Variants in NIN observed in about 807,000 individuals in gnomAD.
NIN encodes ninein.
Under a neutral mutation model 257.6 loss-of-function variants are expected in NIN, and 137 were observed. The ratio of observed to expected loss-of-function variants is 0.53; its 90% CI spans 0.46 to 0.61. The LOEUF is 0.61. NIN is among the 20% of genes least tolerant of loss of function. The probability of loss-of-function intolerance (pLI) is 0.00; values close to 1 mark genes in which losing one functional copy is unlikely to be tolerated. For synonymous variants in NIN, 918 were observed against 919.8 expected, an observed-to-expected ratio of 1.00 and a Z score of 0.04; for missense variants, 2,439 against 2,501.2, an observed-to-expected ratio of 0.98 and a Z score of 0.53.
intron 3 of NIN, among the ~76,000 whole-genome samples, chr14:50,818,153 C>A (rs999320367): frequency 3.3e-5 from 5 of 151,596 alleles, no homozygotes; most frequent in Non-Finnish European, 7.4e-5. Context: ...GAAACCCTGT[C>A]TCTACTGAAA....
At position 50,761,785 on chromosome 14, in the gene NIN, C is replaced by T; in HGVS notation, c.1896+5G>A. 6.2e-7 allele frequency: 1 copy of T among 1,614,096 alleles called. No homozygotes were observed. The highest frequency in any genetic ancestry group is 8.5e-7 in the Non-Finnish European group (1 of 1,179,992). ...TAGAGAAGTGGATTGGTGGGAAGGACTTACTTTATCTTCGAGCTCCAGTCT... is the reference window on the plus strand; with the variant it reads ...TAGAGAAGTGGATTGGTGGGAAGGATTTACTTTATCTTCGAGCTCCAGTCT... On this transcript the variant is annotated splice_donor_5th_base_variant and intron_variant, in intron 16 of 30. Coordinates refer to ENST00000530997, the MANE Select transcript of NIN (RefSeq NM_020921.4).
chr14:50,781,960 A>G (rs2043151118), intron 5 of NIN, among the ~76,000 whole-genome samples: 1 of 152,122 alleles, frequency 6.6e-6, no homozygotes, highest in African/African-American at 2.4e-5. Flanking sequence ...TCTTCCCAGC[A>G]GAGAAGGAAG....
intron 4 of NIN, among the ~76,000 whole-genome samples, chr14:50,804,483 T>A (rs2044235028): frequency 6.6e-6 from 1 of 152,196 alleles, no homozygotes; most frequent in East Asian, 1.9e-4. Context: ...GGAGCAGTTT[T>A]GTGACGAAGA....
At chr14:50,796,615 TATG>T (rs149768855) in intron 4 of NIN, among the ~76,000 whole-genome samples, 1 of 152,302 alleles carries the variant, frequency 6.6e-6, no homozygotes, top group Non-Finnish European at 1.5e-5. Flanking sequence ...CATGCACATG[TATG>T]ATGCTTGACC....
In NIN at chr14:50,748,114, AAAATG is replaced by A. The variant is rs1334452775; in HGVS notation, c.4951-14_4951-10del. On this transcript the variant is annotated splice_polypyrimidine_tract_variant and intron_variant, in intron 21 of 30. Coordinates refer to ENST00000530997, the MANE Select transcript of NIN (RefSeq NM_020921.4). ...GACACTAAAGTGGAGGACTAAGAGAAAAATGAAAAAGTCAAATAACAGACATACAT... is the reference window on the plus strand; with the variant it reads ...GACACTAAAGTGGAGGACTAAGAGAAAAAAAGTCAAATAACAGACATACAT... The A allele has an allele frequency of 6.3e-7, 1 of 1,584,824 alleles. No homozygotes were observed. The highest frequency in any genetic ancestry group is 1.3e-5 in the African/African-American group (1 of 74,254).
chr14:50,757,138 C>T lies in NIN; in HGVS notation c.3892G>A (p.Glu1298Lys), dbSNP rs1226292752. 1 of 1,612,156 alleles carries T rather than the reference C, an allele frequency of 6.2e-7. No individual in the cohort carries two copies. The highest frequency in any genetic ancestry group is 8.5e-7 in the Non-Finnish European group (1 of 1,179,470). ...CTGAGGAATGTTTCAGTGACTTCCT[C>T]CATTTTCTTCAGCTCATCCTGCAAC... ...FRLQDELKKM[E>K]EVTETFLSLE... The change falls in exon 18 of 31, where the codon GAG (glutamate) becomes AAG (lysine). Residue 1298 changes from glutamate (E) to lysine (K), a missense_variant. Around this residue, in one of 3 missense-constraint regions of NIN, gnomAD observed 2,043 missense variants for 2,050.2 expected, o/e 1.00. Coordinates refer to ENST00000530997, the MANE Select transcript of NIN (RefSeq NM_020921.4).
chr14:50,756,530 G>T lies in NIN; in HGVS notation c.4500C>A (p.Ile1500=). ...ELKAMMHDLQ[I]TCSEMQQKVE... ...CTTTTTGCTGCATCTCACTGCACGT[G>T]ATCTGCAAGTCATGCATCATTGCCT... Residue 1500 remains isoleucine, a synonymous_variant, in exon 18 of 31, where the codon ATC becomes ATA. Transcript: ENST00000530997. 1 of 1,612,194 alleles carries T rather than the reference G, an allele frequency of 6.2e-7. No homozygotes were observed. Among genetic ancestry groups the T allele is most frequent in the South Asian group, 1.1e-5 (1 of 90,830 alleles).
intron 3 of NIN, among the ~76,000 whole-genome samples, chr14:50,817,550 T>C (rs893199892): frequency 6.6e-6 from 1 of 152,192 alleles, no homozygotes; most frequent in Non-Finnish European, 1.5e-5. Flanking sequence ...AAAGTCTAGA[T>C]TACCTACCGG....
intron 28 of NIN, among the ~76,000 whole-genome samples, chr14:50,733,434 A>G (rs919613454): frequency 1.7e-4 from 26 of 152,302 alleles, no homozygotes; most frequent in African/African-American, 5.8e-4. Context: ...ATTAGAATAA[A>G]TAGGTATGAG....
chr14:50,772,151 TA>T (rs1034005429), intron 9 of NIN, 149 bp downstream of exon 9: 895 of 691,230 alleles, frequency 1.3e-3, no homozygotes, highest in South Asian at 1.6e-3. Flanking sequence ...TTAAAAGGGC[TA>T]AAAAAAAAGT....
intron 28 of NIN, chr14:50,730,879 G>C: frequency 1.5e-6 from 2 of 1,312,400 alleles, no homozygotes; most frequent in Non-Finnish European, 2.0e-6. Context: ...GGTTTAATGA[G>C]ATGGCTCCAT....
At chr14:50,763,082 A>G (rs1406929956) in intron 15 of NIN, among the ~76,000 whole-genome samples, 2 of 152,206 alleles carry the variant, frequency 1.3e-5, no homozygotes, top group African/African-American at 4.8e-5. Flanking sequence ...CAATCTGTTA[A>G]TTATTCTGCA....
rs2041838159 is a variant in NIN, at chr14:50,752,674, T to C, written c.4794A>G (p.Gln1598=). The change falls in exon 21 of 31, where the codon CAA becomes CAG. Residue 1598 remains glutamine (Q), a synonymous_variant. Transcript: ENST00000530997. ...QLDLENTELS[Q]KNSQNQEKLQ... is the part of the protein sequence containing the mutation. ...GTTTTTCCTGGTTTTGAGAGTTCTT[T>C]TGGCTAAGTTCTGTATTTTCCAAAT... 1.2e-6 allele frequency: 2 copies of C among 1,613,626 alleles called. No homozygotes were observed. Among genetic ancestry groups the C allele is most frequent in the East Asian group, 2.2e-5 (1 of 44,882 alleles).
chr14:50,801,663 GT>G (rs994881442), intron 4 of NIN, among the ~76,000 whole-genome samples: 10 of 152,180 alleles, frequency 6.6e-5, no homozygotes, highest in African/African-American at 2.4e-4. Flanking sequence ...ATAAGACCTG[GT>G]TCAAGGCACA....
At chr14:50,800,371 A>G (rs774080338) in intron 4 of NIN, among the ~76,000 whole-genome samples, 1 of 152,200 alleles carries the variant, frequency 6.6e-6, no homozygotes, top group Non-Finnish European at 1.5e-5. Flanking sequence ...CAGTTGAACA[A>G]CCCAAATCTC....
intron 4 of NIN, among the ~76,000 whole-genome samples, chr14:50,798,309 C>T (rs1339873271): frequency 2.0e-5 from 3 of 152,206 alleles, no homozygotes; most frequent in Non-Finnish European, 4.4e-5. Context: ...TTCTTAGCCA[C>T]CTGAATGATG....
chr14:50,775,189 G>GA lies in NIN; in HGVS notation c.666+1759dup, dbSNP rs1294114631. Among the ~76,000 whole-genome samples, 47 of 152,216 alleles carry GA rather than the reference G, an allele frequency of 3.1e-4. No individual in the cohort carries two copies. In the East Asian group the frequency reaches 6.9e-3, roughly 22 times the overall value. On this transcript the variant is annotated intron_variant, in intron 7 of 30. Coordinates refer to ENST00000530997, the MANE Select transcript of NIN (RefSeq NM_020921.4). ...ATGGAGCCAAATCTTTGGAGTTTTA[G>GA]AAAAATCTCCTGATTTTTTTTTTCA...
Position 50,754,653 on chromosome 14 carries a change from A to G in NIN, c.4665-21T>C, listed in dbSNP as rs754099992. The G allele has an allele frequency of 7.5e-6, 12 of 1,600,986 alleles. No individual in the cohort carries two copies. In the South Asian group the frequency reaches 1.4e-4, roughly 18 times the overall value. ...TTTGCCTAAAAGGAATGATGAAAAT[A>G]AAATTTAATGGTTAGGCTTTAAAAG... On this transcript the variant is annotated intron_variant, in intron 19 of 30. Transcript: ENST00000530997.
chr14:50,725,835 T>C (rs1271826768), intron 30 of NIN, 118 bp downstream of exon 30: 14 of 1,563,484 alleles, frequency 9.0e-6, no homozygotes, highest in Non-Finnish European at 1.1e-5. Context: ...ACATTTATAA[T>C]AGAATTTGCC....
Sources: gnomAD v4.1 joint callset for allele counts (sites outside exome capture counted in the v4.1 genomes callset) on GRCh38, gnomAD v4.1.1 for gene constraint, gnomAD v4.1.1 regional missense constraint, MANE v1.5 for transcripts, NCBI Gene and HGNC (gene_info 2026-07-23, HGNC 2026-07-21) for gene names.